Variants in FAT2 observed in about 807,000 individuals in gnomAD.
FAT2 encodes protocadherin Fat 2.
FAT2 carries 150 observed loss-of-function variants against 295.3 expected under a neutral mutation model. That is an observed-to-expected ratio of 0.51 (90% CI 0.44 to 0.58). The LOEUF is 0.58. Among genes scored for constraint, FAT2 ranks in the 20% least tolerant of loss-of-function variants. The pLI is 0.00. For synonymous variants in FAT2, 2,026 were observed against 2,150.3 expected, an observed-to-expected ratio of 0.94 and a Z score of 1.60; for missense variants, 4,868 against 5,442.7, an observed-to-expected ratio of 0.89 and a Z score of 3.32.
At chr5:151,547,132 T>G (rs1222605995) in intron 9 of FAT2, among the ~76,000 whole-genome samples, 1 of 152,154 alleles carries the variant, frequency 6.6e-6, no homozygotes, top group Non-Finnish European at 1.5e-5. Flanking sequence ...CTTCTTTAAA[T>G]AAAAACACCA....
At chr5:151,562,388 A>C (rs1480587651) in intron 3 of FAT2, among the ~76,000 whole-genome samples, 3 of 152,148 alleles carry the variant, frequency 2.0e-5, no homozygotes, top group Non-Finnish European at 2.9e-5. Flanking sequence ...TCCTCCCCCA[A>C]GAGGAAGATG....
At position 151,549,295 on chromosome 5, in the gene FAT2, C is replaced by T. The variant is rs1378451618; in HGVS notation, c.4789G>A (p.Gly1597Arg). The change falls in exon 9 of 24, where the codon GGG becomes AGG. Residue 1597 changes from glycine to arginine, a missense_variant and splice_region_variant. Gly to Arg is a moderately radical substitution (Grantham distance 125, BLOSUM62 -2). Coordinates refer to ENST00000261800, the MANE Select transcript of FAT2 (RefSeq NM_001447.3). Reference protein sequence around the residue: ...NAEVHYSLLKGNSEGFFNINA... With the variant: ...NAEVHYSLLKRNSEGFFNINA... Reference sequence around the variant, plus strand: ...CTGAGCTCATGGCCAGGCCTCTCACCTTTCAGGAGGGAGTAGTGGACCTCA... The same window carrying T: ...CTGAGCTCATGGCCAGGCCTCTCACTTTTCAGGAGGGAGTAGTGGACCTCA... 6.2e-7 allele frequency: 1 copy of T among 1,612,456 alleles called. No individual in the cohort carries two copies. Among genetic ancestry groups the T allele is most frequent in the Admixed American group, 1.7e-5 (1 of 59,984 alleles).
chr5:151,588,609 T>C (rs1206201920), intron 1 of FAT2, among the ~76,000 whole-genome samples: 1 of 152,238 alleles, frequency 6.6e-6, no homozygotes, highest in East Asian at 1.9e-4. Flanking sequence ...GCTTCTTTTC[T>C]GTGCCAGGCA....
intron 1 of FAT2, among the ~76,000 whole-genome samples, chr5:151,583,267 T>C (rs1462870179): frequency 2.0e-5 from 3 of 152,198 alleles, no homozygotes; most frequent in Admixed American, 6.5e-5. Context: ...GCAGCACTAG[T>C]TATAGCAGCC....
In FAT2 at chr5:151,538,094, CAGAGAG is replaced by C. The variant is rs200021303; in HGVS notation, c.9040-154_9040-149del. The C allele has an allele frequency of 6.8e-6, 4 of 590,744 alleles. No homozygotes were observed. In the East Asian group the frequency reaches 1.1e-4, roughly 17 times the overall value. The allele number at this position is 590,744 out of a possible 1,614,324, so 36.6% of individuals were successfully genotyped here. On this transcript the variant is annotated intron_variant, in intron 11 of 23. Transcript: ENST00000261800. ...AGAGAGACAGAAAAAAGAACAGAGA[CAGAGAG>C]AGAGAAAGAGAAGCAGAGAGAGGGA...
chr5:151,573,752 T>A (rs897676680), intron 1 of FAT2, among the ~76,000 whole-genome samples: 5 of 152,352 alleles, frequency 3.3e-5, no homozygotes, highest in Middle Eastern at 3.4e-3. Context: ...GCTGTAGGGC[T>A]TTATAGAGGC....
intron 1 of FAT2, among the ~76,000 whole-genome samples, chr5:151,587,291 AT>A (rs34625414): frequency 6.6e-6 from 1 of 152,042 alleles, no homozygotes; most frequent in Non-Finnish European, 1.5e-5. Flanking sequence ...TATATGTGAC[AT>A]TTTTTTGAAA....
chr5:151,555,515 A>G (rs1037710570), intron 4 of FAT2, among the ~76,000 whole-genome samples: 1 of 151,284 alleles, frequency 6.6e-6, no homozygotes, highest in Non-Finnish European at 1.5e-5. Context: ...GATTACAAGC[A>G]CCCGCCACCA....
intron 23 of FAT2, among the ~76,000 whole-genome samples, chr5:151,506,372 A>G (rs541249371): frequency 6.6e-6 from 1 of 152,330 alleles, no homozygotes; most frequent in East Asian, 1.9e-4. Context: ...GGATGTCTCC[A>G]TGCAACCCAC....
Position 151,507,223 on chromosome 5 carries a change from G to T in FAT2, c.12448C>A (p.Pro4150Thr), listed in dbSNP as rs1254003449. 4 of 1,613,340 alleles carry T rather than the reference G, an allele frequency of 2.5e-6. No homozygotes were observed. In the Admixed American group the frequency reaches 6.7e-5, roughly 27 times the overall value. Residue 4150 changes from proline (P) to threonine (T), a missense_variant, in exon 23 of 24, where the codon CCA becomes ACA. This residue lies in a region of FAT2 where 492 missense variants were observed against 482.6 expected (regional missense o/e 1.02). Transcript: ENST00000261800. Reference protein sequence around the residue: ...VVCSVPPRLPPAAVPSHSDNE... With the variant: ...VVCSVPPRLPTAAVPSHSDNE... ...TCAGAGTGGGAAGGGACCGCAGCTG[G>T]CGGGAGTCTGGGGGGCACACTGCAG...
In FAT2 at chr5:151,549,217, G is replaced by A. The variant is rs377711863; in HGVS notation, c.4789+78C>T. 6.2e-3 allele frequency: 8,656 copies of A among 1,388,886 alleles called. 46 individuals are homozygous for A. Among genetic ancestry groups the A allele is most frequent in the Non-Finnish European group, 8.0e-3 (8,089 of 1,006,102 alleles). 86.0% of individuals were successfully genotyped at this position (1,388,886 alleles called of 1,614,324 possible). A position where few individuals can be genotyped will look rare whatever the true frequency, so the allele number is the denominator to read the frequency against. ...TGAGCTTGGTACTTGATTAATTTGC[G>A]AATTCATGCCTCTAGTGCTTTCCTT... On this transcript the variant is annotated intron_variant, in intron 9 of 23. Coordinates refer to ENST00000261800, the MANE Select transcript of FAT2 (RefSeq NM_001447.3).
chr5:151,544,798 G>A lies in FAT2; in HGVS notation c.6329C>T (p.Ala2110Val), dbSNP rs2127610557. The change falls in exon 10 of 24, where the codon GCA (alanine) becomes GTA (valine). Residue 2110 changes from alanine to valine, a missense_variant. Coordinates refer to ENST00000261800, the MANE Select transcript of FAT2 (RefSeq NM_001447.3). ...GTNGAVTYEF[A>V]EDYTYFRIDP... ...AATTCGGAAATATGTGTAATCTTCT[G>A]CAAATTCATATGTAACAGCCCCATT... 6.2e-7 allele frequency: 1 copy of A among 1,614,176 alleles called. No homozygotes were observed. The highest frequency in any genetic ancestry group is 8.5e-7 in the Non-Finnish European group (1 of 1,180,036).
intron 1 of FAT2, among the ~76,000 whole-genome samples, chr5:151,589,322 C>A (rs1008705887): frequency 6.6e-6 from 1 of 152,200 alleles, no homozygotes; most frequent in African/African-American, 2.4e-5. Context: ...CAGGCCAGTG[C>A]CACACAGCCT....
upstream of FAT2, among the ~76,000 whole-genome samples, chr5:151,592,126 C>T (rs750150169): frequency 1.3e-5 from 2 of 152,302 alleles, no homozygotes; most frequent in South Asian, 2.1e-4. Flanking sequence ...GGCTTTGATG[C>T]GTTTTATGAG....
intron 1 of FAT2, among the ~76,000 whole-genome samples, chr5:151,573,715 G>A (rs1758628283): frequency 6.6e-6 from 1 of 152,152 alleles, no homozygotes; most frequent in South Asian, 2.1e-4. Flanking sequence ...ATCTATGCTT[G>A]TGCAGGCTAA....
chr5:151,534,333 C>A, intron 13 of FAT2, 76 bp downstream of exon 13: 1 of 1,219,864 alleles, frequency 8.2e-7, no homozygotes, highest in Non-Finnish European at 1.2e-6. Context: ...CCTAGAGAGA[C>A]ACAAAGGGGA....
rs1339757790 is a variant in FAT2 at position 151,540,580 on chromosome 5, G to A, written c.9026C>T (p.Pro3009Leu). The change falls in exon 11 of 24, where the codon CCA becomes CTA. Residue 3009 changes from proline (P) to leucine (L), a missense_variant. Pro to Leu is a moderately conservative substitution (Grantham distance 98). This residue lies in a region of FAT2 where 9 missense variants were observed against 27.4 expected (regional missense o/e 0.33). Coordinates refer to ENST00000261800, the MANE Select transcript of FAT2 (RefSeq NM_001447.3). ...IFVLDVNDNSPQCSQLLYTGK... is the reference protein window; with the variant it reads ...IFVLDVNDNSLQCSQLLYTGK... ...CCAGGCTCTCACCTGTGAACACTGT[G>A]GGCTGTTATCATTGACGTCCAGGAC... is the stretch of plus-strand genomic sequence containing the variant. 6.2e-7 allele frequency: 1 copy of A among 1,613,302 alleles called. No homozygotes were observed. Among genetic ancestry groups the A allele is most frequent in the Non-Finnish European group, 8.5e-7 (1 of 1,179,708 alleles).
chr5:151,548,336 TATA>T (rs1581409057), intron 9 of FAT2, among the ~76,000 whole-genome samples: 1 of 151,804 alleles, frequency 6.6e-6, no homozygotes, highest in Non-Finnish European at 1.5e-5. Flanking sequence ...AATTATGTAT[TATA>T]ATTATTACAA....
chr5:151,562,214 A>C (rs13158643), intron 3 of FAT2, among the ~76,000 whole-genome samples: 72,707 of 151,826 alleles, frequency 0.48, 17,634 homozygotes, highest in Non-Finnish European at 0.53. Context: ...CCTCCTGGTT[A>C]CCTTTTGTCT....
Sources: gnomAD v4.1 joint callset for allele counts (sites outside exome capture counted in the v4.1 genomes callset) on GRCh38, gnomAD v4.1.1 for gene constraint, gnomAD v4.1.1 regional missense constraint, MANE v1.5 for transcripts, NCBI Gene and HGNC (gene_info 2026-07-23, HGNC 2026-07-21) for gene names.